KALRN: variants seen among roughly 807,000 people sequenced by gnomAD.
KALRN encodes the protein kalirin RhoGEF kinase.
KALRN carries 70 observed loss-of-function variants against 353.7 expected under a neutral mutation model. That is an observed-to-expected ratio of 0.20 (90% confidence interval 0.16 to 0.24). KALRN has a LOEUF of 0.24. KALRN is among the 10% of genes least tolerant of loss of function. The pLI is 1.00. For synonymous variants in KALRN, 1,391 were observed against 1,434.8 expected, an observed-to-expected ratio of 0.97 and a Z score of 0.69; for missense variants, 2,791 against 3,756.7, an observed-to-expected ratio of 0.74 and a Z score of 6.72.
chr3:124,163,614 A>G, intron 1 of KALRN: 1 of 985,152 alleles, frequency 1.0e-6, no homozygotes, highest in Non-Finnish European at 1.2e-6. Flanking sequence ...AATAGGTTCT[A>G]ACATGGATCT....
rs2093833144 is a variant in KALRN at position 124,446,157 on chromosome 3, A to G, written c.3314-4A>G. 2 of 1,608,718 alleles carry G rather than the reference A, an allele frequency of 1.2e-6. No homozygotes were observed. Among genetic ancestry groups the G allele is most frequent in the Non-Finnish European group, 1.7e-6 (2 of 1,175,386 alleles). On this transcript the variant is annotated splice_region_variant and splice_polypyrimidine_tract_variant and intron_variant, in intron 19 of 59. Transcript: ENST00000682506. ...TGACCATCATGCATCTCCTCTGCCC[A>G]CAGCCATCCTGAGTGAGCTCCTGCA...
intron 1 of KALRN, among the ~76,000 whole-genome samples, chr3:124,076,200 A>G (rs533925663): frequency 3.3e-5 from 5 of 152,348 alleles, no homozygotes; most frequent in African/African-American, 1.2e-4. Context: ...TAGAATATCT[A>G]TCTGTGTGAG....
intron 6 of KALRN, among the ~76,000 whole-genome samples, chr3:124,314,851 C>T (rs1474350226): frequency 3.3e-5 from 5 of 152,172 alleles, no homozygotes; most frequent in African/African-American, 1.2e-4. Flanking sequence ...TACAGGGTCT[C>T]ACTATGTTGC....
intron 10 of KALRN, among the ~76,000 whole-genome samples, chr3:124,361,150 A>C (rs1443570346): frequency 1.3e-5 from 2 of 152,230 alleles, no homozygotes; most frequent in African/African-American, 4.8e-5. Flanking sequence ...GAACCCAGGT[A>C]GGCTGACCTC....
chr3:124,442,179 A>G (rs887987687), intron 19 of KALRN, 120 bp downstream of exon 19: 1 of 576,964 alleles, frequency 1.7e-6, no homozygotes, highest in African/African-American at 1.9e-5. Context: ...AGAAATGAAA[A>G]TGTATGATGT....
chr3:124,343,738 G>A (rs140383024), intron 9 of KALRN, among the ~76,000 whole-genome samples: 164 of 152,290 alleles, frequency 1.1e-3, no homozygotes, highest in Non-Finnish European at 1.8e-3. Context: ...GAGAAGATGC[G>A]TTTGGCTGTT....
chr3:124,397,325 G>A (rs902382210), intron 12 of KALRN, among the ~76,000 whole-genome samples: 12 of 152,300 alleles, frequency 7.9e-5, no homozygotes, highest in African/African-American at 2.9e-4. Flanking sequence ...TGAGGAGGCA[G>A]GAATAGGGAG....
chr3:124,541,890 T>TA (rs35751623), intron 33 of KALRN, among the ~76,000 whole-genome samples: 18 of 143,230 alleles, frequency 1.3e-4, no homozygotes, highest in Admixed American at 6.9e-4. Context: ...AGACTCTGTC[T>TA]AAAAAAAAAG....
At chr3:124,394,432 A>C (rs191698156) in intron 11 of KALRN, among the ~76,000 whole-genome samples, 2 of 152,352 alleles carry the variant, frequency 1.3e-5, no homozygotes, top group African/African-American at 4.8e-5. Flanking sequence ...TCAGTAATTC[A>C]GTTTTAACTC....
chr3:124,629,162 A>G (rs1242680327), intron 34 of KALRN, among the ~76,000 whole-genome samples: 2 of 152,272 alleles, frequency 1.3e-5, no homozygotes, highest in East Asian at 1.9e-4. Flanking sequence ...TTCTCCCAAG[A>G]TCATGGTGAT....
Position 124,491,416 on chromosome 3 carries a change from G to C in KALRN, c.4681G>C (p.Val1561Leu), listed in dbSNP as rs753674413. 6.2e-7 allele frequency: 1 copy of C among 1,600,242 alleles called. No individual in the cohort carries two copies. Among genetic ancestry groups the C allele is most frequent in the South Asian group, 1.1e-5 (1 of 88,656 alleles). ...CACCCCATCCTCAGACAATAAAACAGTGCTGAAAGTAAGTACTGCTCTCTG... is the reference window on the plus strand; with the variant it reads ...CACCCCATCCTCAGACAATAAAACACTGCTGAAAGTAAGTACTGCTCTCTG... ...GRTPSSDNKT[V>L]LKASNIETKQ... Residue 1561 changes from valine (V) to leucine (L), a missense_variant, in exon 31 of 60, where the codon GTG becomes CTG. Transcript: ENST00000682506.
At chr3:124,320,349 A>G (rs927593473) in intron 6 of KALRN, among the ~76,000 whole-genome samples, 1 of 152,188 alleles carries the variant, frequency 6.6e-6, no homozygotes, top group African/African-American at 2.4e-5. Context: ...GTAATGATTA[A>G]AAAGCTGTAG....
chr3:124,491,764 A>T (rs2063185301), intron 31 of KALRN: 1 of 192,636 alleles, frequency 5.2e-6, no homozygotes, highest in Admixed American at 6.1e-5. Context: ...TTGACAAAAG[A>T]CACCTTGATT....
At chr3:124,580,364 G>T (rs2074504630) in intron 34 of KALRN, among the ~76,000 whole-genome samples, 1 of 151,884 alleles carries the variant, frequency 6.6e-6, no homozygotes, top group Non-Finnish European at 1.5e-5. Context: ...GGGTGTGTGT[G>T]GGGGTGGGTG....
At chr3:124,589,049 G>T (rs1447277114) in intron 34 of KALRN, among the ~76,000 whole-genome samples, 5 of 152,150 alleles carry the variant, frequency 3.3e-5, no homozygotes, top group Admixed American at 3.3e-4. Flanking sequence ...CTTCCTGCTT[G>T]TCTCTGATGT....
intron 34 of KALRN, among the ~76,000 whole-genome samples, chr3:124,572,533 T>C (rs2073658115): frequency 6.6e-6 from 1 of 152,104 alleles, no homozygotes; most frequent in South Asian, 2.1e-4. Context: ...AAGCCACTTA[T>C]TTTGAGTAGA....
chr3:124,537,948 G>T (rs1042077943), intron 33 of KALRN, among the ~76,000 whole-genome samples: 1 of 152,108 alleles, frequency 6.6e-6, no homozygotes, highest in African/African-American at 2.4e-5. Context: ...GAATGTAAAG[G>T]GTTTAGAAGA....
Position 124,725,524 on chromosome 3 carries a change from T to C in KALRN, c.*6054T>C, listed in dbSNP as rs1416377217. 6.6e-6 allele frequency: 1 copy of C among 152,222 alleles called. No homozygotes were observed. The highest frequency in any genetic ancestry group is 2.4e-5 in the African/African-American group (1 of 41,456). The allele number at this position is 152,222 out of a possible 1,614,324, so 9.4% of individuals were successfully genotyped here. On this transcript the variant is annotated 3_prime_UTR_variant, in exon 60 of 60. Transcript: ENST00000682506. The stretch of plus-strand genomic sequence containing the variant: ...ATGTATGTATATGTTATTGCTCATA[T>C]GCAGAAATCTATCCATTTGCAGACA...
intron 11 of KALRN, among the ~76,000 whole-genome samples, chr3:124,387,268 A>G (rs2149972864): frequency 6.6e-6 from 1 of 152,326 alleles, no homozygotes. Flanking sequence ...TTGTTTCCTC[A>G]CTGGAACTCA....
Sources: gnomAD v4.1 joint callset for allele counts (sites outside exome capture counted in the v4.1 genomes callset) on GRCh38, gnomAD v4.1.1 for gene constraint, MANE v1.5 for transcripts, NCBI Gene and HGNC (gene_info 2026-07-23, HGNC 2026-07-21) for gene names.